Variants in PDE1A observed in about 807,000 individuals in gnomAD.
PDE1A encodes the protein phosphodiesterase 1A.
In PDE1A, 35 loss-of-function variants were observed where a neutral mutation model predicts 61.7. That is an observed-to-expected ratio of 0.57 (90% CI 0.43 to 0.75). The LOEUF (loss-of-function observed/expected upper bound fraction) is 0.75. Among genes scored for constraint, PDE1A ranks in the 30% least tolerant of loss-of-function variants. The pLI is 0.00. For missense variants in PDE1A, 597 were observed against 630.6 expected (o/e 0.95, Z 0.57); for synonymous variants, 232 against 213.2 (o/e 1.09, Z -0.77).
At chr2:182,399,891 G>A (rs890856261) in intron 1 of PDE1A, among the ~76,000 whole-genome samples, 4 of 151,996 alleles carry the variant, frequency 2.6e-5, no homozygotes, top group African/African-American at 9.7e-5. Context: ...ATCAAGAGAT[G>A]GTCCTAGATA....
At chr2:182,340,199 A>G (rs1362306212) in intron 1 of PDE1A, among the ~76,000 whole-genome samples, 6 of 152,196 alleles carry the variant, frequency 3.9e-5, no homozygotes, top group Non-Finnish European at 8.8e-5. Flanking sequence ...GTCATTTGTA[A>G]TATATGCAAC....
At chr2:182,677,182 G>C in the PDE1A span, among the ~76,000 whole-genome samples, 1 of 152,140 alleles carries the variant, frequency 6.6e-6, no homozygotes. Context: ...TTGGCCAAAA[G>C]CTCCTGCAGC....
the PDE1A span, among the ~76,000 whole-genome samples, chr2:182,599,045 G>C: frequency 1.3e-5 from 2 of 152,188 alleles, no homozygotes; most frequent in African/African-American, 4.8e-5. Context: ...GAGCCAGTGA[G>C]AGCTCTGCCC....
At chr2:182,658,508 A>G in the PDE1A span, among the ~76,000 whole-genome samples, 1 of 152,232 alleles carries the variant, frequency 6.6e-6, no homozygotes. Flanking sequence ...CAAGTTCCAG[A>G]GGTTTGCACT....
At chr2:182,160,002 A>C (rs191714125) in intron 13 of PDE1A, among the ~76,000 whole-genome samples, 2 of 152,186 alleles carry the variant, frequency 1.3e-5, no homozygotes, top group African/African-American at 4.8e-5. Context: ...TAAACACTTT[A>C]TATACATTGA....
intron 2 of PDE1A, among the ~76,000 whole-genome samples, chr2:182,479,032 G>T (rs1462193947): frequency 6.6e-6 from 1 of 151,798 alleles, no homozygotes; most frequent in Non-Finnish European, 1.5e-5. Context: ...AGATATGATT[G>T]ATGATATTCC....
intron 1 of PDE1A, among the ~76,000 whole-genome samples, chr2:182,301,323 T>C (rs975458965): frequency 3.3e-5 from 5 of 152,314 alleles, no homozygotes; most frequent in South Asian, 2.1e-4. Flanking sequence ...TTGGATATTA[T>C]CCTTTAAATG....
the PDE1A span, among the ~76,000 whole-genome samples, chr2:182,532,072 T>G: frequency 9.2e-5 from 14 of 152,110 alleles, no homozygotes; most frequent in East Asian, 1.6e-3. Flanking sequence ...TGAATACTGA[T>G]GTGTACTACA....
rs531804216 is a variant in PDE1A, at chr2:182,186,365, C to T, written c.1328+103G>A. On this transcript the variant is annotated intron_variant, in intron 12 of 13. Transcript: ENST00000351439. The stretch of plus-strand genomic sequence containing the variant: ...TAGGTGGCAATACTCCCTAATAATT[C>T]TTGTGAGAATTCTCTGCCTAGATGT... 18 of 1,367,350 alleles carry T rather than the reference C, an allele frequency of 1.3e-5. No individual in the cohort carries two copies. The South Asian group carries it at 2.2e-4, about 17-fold the overall frequency. The allele number at this position is 1,367,350 out of a possible 1,614,324, so 84.7% of individuals were successfully genotyped here.
intron 2 of PDE1A, among the ~76,000 whole-genome samples, chr2:182,468,952 A>C (rs1369263226): frequency 1.3e-5 from 2 of 151,934 alleles, no homozygotes; most frequent in Non-Finnish European, 2.9e-5. Context: ...GTGGGCTGAA[A>C]ATTTTCAGTA....
the PDE1A span, among the ~76,000 whole-genome samples, chr2:182,614,653 G>A: frequency 2.1e-4 from 31 of 150,816 alleles, no homozygotes; most frequent in African/African-American, 7.6e-4. Context: ...CACCTCCTGG[G>A]TTCAAGCAAT....
chr2:182,603,950 T>G, the PDE1A span, among the ~76,000 whole-genome samples: 1 of 152,110 alleles, frequency 6.6e-6, no homozygotes, highest in Non-Finnish European at 1.5e-5. Context: ...AATACTTCAT[T>G]GGGTTAAAAG....
At chr2:182,515,952 T>TTC (rs1400735381) in intron 2 of PDE1A, among the ~76,000 whole-genome samples, 1 of 77,124 alleles carries the variant, frequency 1.3e-5, no homozygotes, top group Non-Finnish European at 2.7e-5. Flanking sequence ...GTGTGTGTGT[T>TTC]TCTGTGTGTG....
At chr2:182,240,914 T>C (rs1690452036) in intron 2 of PDE1A, among the ~76,000 whole-genome samples, 1 of 151,874 alleles carries the variant, frequency 6.6e-6, no homozygotes, top group Non-Finnish European at 1.5e-5. Context: ...TGAAAACACA[T>C]GATATCAAAT....
intron 1 of PDE1A, among the ~76,000 whole-genome samples, chr2:182,341,864 C>T (rs182865813): frequency 1.3e-5 from 2 of 152,070 alleles, no homozygotes; most frequent in Admixed American, 6.6e-5. Flanking sequence ...CTTAAACAAT[C>T]CTCCCATCTC....
chr2:182,241,792 T>G (rs764751208), intron 2 of PDE1A: 32 of 1,484,816 alleles, frequency 2.2e-5, no homozygotes, highest in Non-Finnish European at 1.8e-6. Context: ...TAATACTGAT[T>G]AATACTTACT....
intron 10 of PDE1A, among the ~76,000 whole-genome samples, chr2:182,199,381 T>C (rs1307688896): frequency 1.3e-5 from 2 of 152,066 alleles, no homozygotes; most frequent in African/African-American, 4.8e-5. Context: ...AATTTCTAGC[T>C]TCTTAAGGTG....
intron 13 of PDE1A, among the ~76,000 whole-genome samples, chr2:182,171,050 T>C (rs1444785003): frequency 6.6e-6 from 1 of 152,042 alleles, no homozygotes; most frequent in Middle Eastern, 3.2e-3. Flanking sequence ...TTTAAATTTT[T>C]TAACCAGTGA....
chr2:182,423,705 G>T (rs904493343), intron 1 of PDE1A, among the ~76,000 whole-genome samples: 3 of 151,996 alleles, frequency 2.0e-5, no homozygotes, highest in African/African-American at 7.2e-5. Flanking sequence ...CCTGCCTGTA[G>T]CACATTTATC....
Sources: allele counts gnomAD v4.1 joint callset (sites outside exome capture counted in the v4.1 genomes callset), GRCh38; gene constraint gnomAD v4.1.1; transcripts MANE v1.5; gene names NCBI Gene and HGNC (gene_info 2026-07-23, HGNC 2026-07-21).